The following NYNRIN variants were observed in gnomAD, a reference collection of about 807,000 sequenced individuals.
The protein encoded by NYNRIN is protein NYNRIN.
In NYNRIN, 86 loss-of-function variants were observed where a neutral mutation model predicts 146.6. That is an observed-to-expected ratio of 0.59 (90% confidence interval 0.49 to 0.70). NYNRIN has a LOEUF of 0.70. Ranked by LOEUF, NYNRIN falls within the 30% of genes least tolerant of loss-of-function variation. The pLI, the probability that NYNRIN is intolerant of heterozygous loss-of-function variation, is 0.00. For synonymous variants in NYNRIN, 1,027 were observed against 1,001.3 expected (o/e 1.03, Z -0.48); for missense variants, 2,191 against 2,377.7 (o/e 0.92, Z 1.63).
chr14:24,410,290 C>A (rs1477876583), intron 4 of NYNRIN, 82 bp downstream of exon 4: 4 of 1,134,334 alleles, frequency 3.5e-6, no homozygotes, highest in Non-Finnish European at 5.0e-6. Context: ...ATGTGGGCAT[C>A]CCTTCCCAAC....
At position 24,414,701 on chromosome 14, in the gene NYNRIN, G is replaced by A; in HGVS notation, c.2952G>A (p.Glu984=). The change falls in exon 9 of 9, where the codon GAG becomes GAA. Residue 984 remains glutamate (E), a synonymous_variant. Coordinates refer to ENST00000382554, the MANE Select transcript of NYNRIN (RefSeq NM_025081.3). Reference sequence around the variant, plus strand: ...ATGACGCTGACTCTGGGCCCCTGGAGAGTCTGCCGAATATGGAAGAAGTCA... The same window carrying A: ...ATGACGCTGACTCTGGGCCCCTGGAAAGTCTGCCGAATATGGAAGAAGTCA... ...LSDDADSGPL[E]SLPNMEEVRE... is the part of the protein sequence containing the mutation. 1 of 1,613,664 alleles carries A rather than the reference G, an allele frequency of 6.2e-7. No individual in the cohort carries two copies. Among genetic ancestry groups the A allele is most frequent in the Non-Finnish European group, 8.5e-7 (1 of 1,179,746 alleles).
In NYNRIN at chr14:24,409,672, G is replaced by A. The variant is rs1206711405; in HGVS notation, c.1878G>A (p.Gln626=). The A allele has an allele frequency of 6.2e-7, 1 of 1,607,190 alleles. No homozygotes were observed. Among genetic ancestry groups the A allele is most frequent in the Admixed American group, 1.7e-5 (1 of 58,968 alleles). ...AACCCACAACTCCAAAAACTCCCCAGGCTCAGAAGATGCCTGTAGCAAAAA... is the reference window on the plus strand; with the variant it reads ...AACCCACAACTCCAAAAACTCCCCAAGCTCAGAAGATGCCTGTAGCAAAAA... The part of the protein sequence containing the change: ...QVEPTTPKTP[Q]AQKMPVAKTS... The change falls in exon 4 of 9, where the codon CAG becomes CAA. Residue 626 remains glutamine (Q), a synonymous_variant. Coordinates refer to ENST00000382554, the MANE Select transcript of NYNRIN (RefSeq NM_025081.3).
intron 7 of NYNRIN, 84 bp downstream of exon 7, chr14:24,413,182 G>A (rs1225725475): frequency 8.2e-6 from 11 of 1,344,796 alleles, no homozygotes; most frequent in Non-Finnish European, 1.1e-5. Flanking sequence ...AGGGCTGGAA[G>A]AGAGGCCTTG....
chr14:24,410,308 T>C, intron 4 of NYNRIN, 100 bp downstream of exon 4: 1 of 922,542 alleles, frequency 1.1e-6, no homozygotes, highest in South Asian at 1.7e-5. Flanking sequence ...AACCTTCCTA[T>C]GGGCGACATG....
intron 8 of NYNRIN, among the ~76,000 whole-genome samples, chr14:24,414,164 A>G (rs1000822050): frequency 6.6e-6 from 1 of 152,148 alleles, no homozygotes; most frequent in African/African-American, 2.4e-5. Context: ...TACCTTGCCA[A>G]TTTGGAAAAA....
At chr14:24,412,810 C>T in intron 6 of NYNRIN, 187 bp from the exon 7 acceptor site, 1 of 521,458 alleles carries the variant, frequency 1.9e-6, no homozygotes, top group East Asian at 3.4e-5. Context: ...ACCTTGATCC[C>T]TATCAGTGAT....
At chr14:24,404,232 CT>C (rs2042863044) in intron 2 of NYNRIN, among the ~76,000 whole-genome samples, 1 of 152,162 alleles carries the variant, frequency 6.6e-6, no homozygotes, top group African/African-American at 2.4e-5. Context: ...TCAACTTTAA[CT>C]TTTTGTTCTG....
In NYNRIN at chr14:24,415,658, C is replaced by T. The variant is rs182471080; in HGVS notation, c.3909C>T (p.Asp1303=). ...RFFQVLPPFS[D]LSTFVCIHMS... ...TCCAGGTTCTGCCGCCTTTCTCTGA[C>T]CTGTCCACGTTCGTCTGCATCCACA... The change falls in exon 9 of 9, where the codon GAC becomes GAT. Residue 1303 remains aspartate, a synonymous_variant. Coordinates refer to ENST00000382554, the MANE Select transcript of NYNRIN (RefSeq NM_025081.3). 1 of 1,614,030 alleles carries T rather than the reference C, an allele frequency of 6.2e-7. No individual in the cohort carries two copies. Among genetic ancestry groups the T allele is most frequent in the Non-Finnish European group, 8.5e-7 (1 of 1,179,900 alleles).
chr14:24,399,565 T>G (rs1594735832), intron 2 of NYNRIN, 121 bp downstream of exon 2: 3 of 898,500 alleles, frequency 3.3e-6, no homozygotes, highest in African/African-American at 3.4e-5. Flanking sequence ...GATTTGGCAG[T>G]GTGGCAGGCA....
In NYNRIN at chr14:24,418,474, C is replaced by A. The variant is rs985915700; in HGVS notation, c.*1028C>A. 2 of 342,540 alleles carry A rather than the reference C, an allele frequency of 5.8e-6. No homozygotes were observed. Among genetic ancestry groups the A allele is most frequent in the African/African-American group, 2.2e-5 (1 of 45,844 alleles). The allele number at this position is 342,540 out of a possible 1,614,324, so 21.2% of individuals were successfully genotyped here. ...TTGTGTGATTGCTTCATCTGTATCA[C>A]CCCCCGAGTCCTGTGGACCTGCCTT... On this transcript the variant is annotated 3_prime_UTR_variant, in exon 9 of 9. Coordinates refer to ENST00000382554, the MANE Select transcript of NYNRIN (RefSeq NM_025081.3).
chr14:24,407,719 A>C, intron 2 of NYNRIN, 150 bp from the exon 3 acceptor site: 1 of 664,012 alleles, frequency 1.5e-6, no homozygotes. Flanking sequence ...GTGGCTGGCC[A>C]TGGGGGAGTC....
intron 2 of NYNRIN, among the ~76,000 whole-genome samples, chr14:24,404,825 G>A (rs945610230): frequency 4.6e-5 from 7 of 152,168 alleles, no homozygotes; most frequent in African/African-American, 1.7e-4. Flanking sequence ...GAGTTTCTCT[G>A]CGTTTAGCTT....
Position 24,418,216 on chromosome 14 carries a change from A to T in NYNRIN, c.*770A>T. 4.4e-6 allele frequency: 2 copies of T among 455,784 alleles called. No homozygotes were observed. The highest frequency in any genetic ancestry group is 1.6e-5 in the South Asian group (1 of 64,488). 28.2% of individuals were successfully genotyped at this position (455,784 alleles called of 1,614,324 possible). A position where few individuals can be genotyped will look rare whatever the true frequency, so the allele number is the denominator to read the frequency against. The stretch of plus-strand genomic sequence containing the variant: ...CCCCTGCTTTGATGGTGTTGACCCC[A>T]CAGGAATCAAGGATCTTGATGCCAA... On this transcript the variant is annotated 3_prime_UTR_variant, in exon 9 of 9. Coordinates refer to ENST00000382554, the MANE Select transcript of NYNRIN (RefSeq NM_025081.3).
intron 2 of NYNRIN, among the ~76,000 whole-genome samples, chr14:24,401,725 A>C (rs2042844794): frequency 6.6e-6 from 1 of 152,208 alleles, no homozygotes; most frequent in Non-Finnish European, 1.5e-5. Flanking sequence ...AGAGCTATAG[A>C]GTATAGATGT....
Position 24,417,622 on chromosome 14 carries a change from A to G in NYNRIN, c.*176A>G. 5.5e-6 allele frequency: 5 copies of G among 904,804 alleles called. No individual in the cohort carries two copies. The highest frequency in any genetic ancestry group is 7.6e-6 in the Non-Finnish European group (5 of 657,180). 56.0% of individuals were successfully genotyped at this position (904,804 alleles called of 1,614,324 possible). ...GAACTAGGGACCAGCATCCCCATGG[A>G]AACATCCCCAGTTTGGGGTACTTGG... On this transcript the variant is annotated 3_prime_UTR_variant, in exon 9 of 9. Coordinates refer to ENST00000382554, the MANE Select transcript of NYNRIN (RefSeq NM_025081.3).
At position 24,417,249 on chromosome 14, in the gene NYNRIN, T is replaced by A. The variant is rs1395784708; in HGVS notation, c.5500T>A (p.Leu1834Met). Residue 1834 changes from leucine to methionine, a missense_variant, in exon 9 of 9, where the codon TTG becomes ATG. Leu to Met is a conservative substitution (Grantham distance 15). This residue lies in a region of NYNRIN where 1,291 missense variants were observed against 1,417.0 expected (regional missense o/e 0.91). Coordinates refer to ENST00000382554, the MANE Select transcript of NYNRIN (RefSeq NM_025081.3). ...KEWNVGDQVL[L>M]LSLPRNGSSA... The stretch of plus-strand genomic sequence containing the variant: ...GTGGAATGTGGGTGACCAGGTCCTT[T>A]TGCTGTCCCTCCCCAGGAATGGCAG... 1 of 1,614,002 alleles carries A rather than the reference T, an allele frequency of 6.2e-7. No individual in the cohort carries two copies. Among genetic ancestry groups the A allele is most frequent in the Admixed American group, 1.7e-5 (1 of 60,034 alleles).
chr14:24,399,635 T>C (rs1310197787), intron 2 of NYNRIN, among the ~76,000 whole-genome samples, 191 bp downstream of exon 2: 1 of 152,152 alleles, frequency 6.6e-6, no homozygotes, highest in Non-Finnish European at 1.5e-5. Context: ...TGCCCGCTTC[T>C]TCCCTCTGGT....
At position 24,411,209 on chromosome 14, in the gene NYNRIN, G is replaced by T. The variant is rs764970365; in HGVS notation, c.2545+3G>T. The T allele has an allele frequency of 6.2e-7, 1 of 1,606,656 alleles. No individual in the cohort carries two copies. Among genetic ancestry groups the T allele is most frequent in the Non-Finnish European group, 8.5e-7 (1 of 1,176,160 alleles). On this transcript the variant is annotated splice_donor_region_variant and intron_variant, in intron 5 of 8. Transcript: ENST00000382554. This position sits in a 1 kb window ranked among gnomAD's most constrained non-coding sequence, Gnocchi z 4.3. ...GAAGAAGAACCGGAGGGTGAGAGGT[G>T]AGGTGTCCCCTGCCTGCCCAGCCTC... is the stretch of plus-strand genomic sequence containing the variant.
In NYNRIN at chr14:24,415,392, G is replaced by A. The variant is rs777127282; in HGVS notation, c.3643G>A (p.Ala1215Thr). The A allele has an allele frequency of 1.2e-6, 2 of 1,613,858 alleles. No individual in the cohort carries two copies. ...TGACAGCCCCTATGCTGTGGCCTGG[G>A]CCCTCAAGCATTTTTCCCGCTGCAT... Reference protein sequence around the residue: ...GGDSPYAVAWALKHFSRCIGD... With the variant: ...GGDSPYAVAWTLKHFSRCIGD... The change falls in exon 9 of 9, where the codon GCC (alanine) becomes ACC (threonine). Residue 1215 changes from alanine (A) to threonine (T), a missense_variant. By Grantham distance (58) the Ala-to-Thr change is moderately conservative. Coordinates refer to ENST00000382554, the MANE Select transcript of NYNRIN (RefSeq NM_025081.3).
Sources: allele counts gnomAD v4.1 joint callset (sites outside exome capture counted in the v4.1 genomes callset), GRCh38; gene constraint gnomAD v4.1.1; regional missense constraint gnomAD v4.1.1; non-coding constraint Gnocchi (gnomAD v3.1); transcripts MANE v1.5; gene names NCBI Gene and HGNC (gene_info 2026-07-23, HGNC 2026-07-21).